IL1RAPL1: variants seen among roughly 807,000 people sequenced by gnomAD.
IL1RAPL1 encodes the protein interleukin 1 receptor accessory protein like 1.
A neutral mutation model predicts 48.4 loss-of-function variants in IL1RAPL1; 3 were observed. The ratio of observed to expected loss-of-function variants is 0.06; its 90% confidence interval spans 0.03 to 0.16. The LOEUF is 0.16. Ranked by LOEUF, IL1RAPL1 falls within the 10% of genes least tolerant of loss-of-function variation. The pLI, the probability that IL1RAPL1 is intolerant of heterozygous loss-of-function variation, is 1.00. For missense variants in IL1RAPL1, 349 were observed against 530.6 expected (o/e 0.66, Z 3.36); for synonymous variants, 185 against 187.7 (o/e 0.99, Z 0.12).
intron 2 of IL1RAPL1, among the ~76,000 whole-genome samples, chrX:29,208,123 G>A (rs764263901): frequency 1.8e-4 from 20 of 111,199 alleles, no homozygotes; most frequent in African/African-American, 6.5e-4. Context: ...GAGTAGATAC[G>A]GTATGAGCAG....
chrX:29,302,899 C>T (rs1436590900), intron 3 of IL1RAPL1, among the ~76,000 whole-genome samples: 1 of 111,868 alleles, frequency 8.9e-6, no homozygotes, highest in Non-Finnish European at 1.9e-5. Context: ...CATTATAAAG[C>T]TGTTTTATCC....
rs775970888 is a variant in IL1RAPL1, at chrX:29,839,523, G to A, written c.779-77941G>A. Among the ~76,000 whole-genome samples the A allele has an allele frequency of 2.7e-5, 3 of 112,505 alleles. No homozygotes were observed. The East Asian group carries it at 8.3e-4, about 31-fold the overall frequency. ...ATCTGCTGAAGCTATGCATTAACCT[G>A]GAGGATCAACTTCTGCACAGAAGTA... On this transcript the variant is annotated intron_variant, in intron 6 of 10. Coordinates refer to ENST00000378993, the MANE Select transcript of IL1RAPL1 (RefSeq NM_014271.4).
chrX:29,685,152 C>T (rs1483133607), intron 6 of IL1RAPL1, among the ~76,000 whole-genome samples: 4 of 112,182 alleles, frequency 3.6e-5, no homozygotes, highest in East Asian at 2.8e-4. Flanking sequence ...ATTTGACTTA[C>T]GATATTTTTA....
intron 1 of IL1RAPL1, among the ~76,000 whole-genome samples, chrX:28,761,891 G>C (rs1025799074): frequency 2.7e-5 from 3 of 111,614 alleles, no homozygotes; most frequent in Non-Finnish European, 5.6e-5. Flanking sequence ...GTCATACCTG[G>C]GTTTGAATCC....
chrX:29,260,561 C>G (rs1602140433), intron 2 of IL1RAPL1, among the ~76,000 whole-genome samples: 2 of 111,607 alleles, frequency 1.8e-5, no homozygotes, highest in African/African-American at 6.5e-5. Flanking sequence ...CTCCACCTGG[C>G]CCCGCCCTTG....
intron 1 of IL1RAPL1, among the ~76,000 whole-genome samples, chrX:28,636,751 C>T (rs1206513575): frequency 1.8e-5 from 2 of 111,630 alleles, no homozygotes; most frequent in African/African-American, 6.5e-5. Context: ...GGTCAAAATC[C>T]TTCCAACCTG....
intron 6 of IL1RAPL1, among the ~76,000 whole-genome samples, chrX:29,841,148 T>G (rs901209596): frequency 4.5e-5 from 5 of 111,777 alleles, no homozygotes; most frequent in African/African-American, 1.6e-4. Flanking sequence ...TTTGAACTAC[T>G]CAATTGAAGG....
rs1935083882 is a variant in IL1RAPL1, at chrX:29,485,186, GTATTTTACTTTATTATAATAAA to G, written c.703+85883_703+85904del. Among the ~76,000 whole-genome samples, 3 of 111,882 alleles carry G rather than the reference GTATTTTACTTTATTATAATAAA, an allele frequency of 2.7e-5. No homozygotes were observed. In the South Asian group the frequency reaches 1.1e-3, roughly 41 times the overall value. ...AAAATAACCAAAATGAGCTGCAGAA[GTATTTTACTTTATTATAATAAA>G]TATTACAGTATGCATCATGAAATGA... On this transcript the variant is annotated intron_variant, in intron 5 of 10. Transcript: ENST00000378993.
At chrX:28,652,642 A>G (rs1270951023) in intron 1 of IL1RAPL1, among the ~76,000 whole-genome samples, 2 of 111,859 alleles carry the variant, frequency 1.8e-5, no homozygotes, top group African/African-American at 6.5e-5. Flanking sequence ...GATCCAGCTG[A>G]TGAATCTCCA....
At position 29,278,539 on chromosome X, in the gene IL1RAPL1, A is replaced by G. The variant is rs764073262; in HGVS notation, c.83-4399A>G. On this transcript the variant is annotated intron_variant, in intron 2 of 10. Coordinates refer to ENST00000378993, the MANE Select transcript of IL1RAPL1 (RefSeq NM_014271.4). ...CTCCCATCAGGGAAGGAGAGTACCA[A>G]TAGCAAATTTTCTGAGAGAGACTTA... 2.7e-5 allele frequency among the ~76,000 whole-genome samples: 3 copies of G among 112,453 alleles called. No individual in the cohort carries two copies. In the South Asian group the frequency reaches 1.1e-3, roughly 42 times the overall value.
At chrX:28,790,293 G>T (rs752449697) in intron 2 of IL1RAPL1, among the ~76,000 whole-genome samples, 2 of 112,594 alleles carry the variant, frequency 1.8e-5, no homozygotes, top group East Asian at 5.6e-4. Flanking sequence ...ACAAGAGGTT[G>T]CAGTGTTGTG....
intron 5 of IL1RAPL1, among the ~76,000 whole-genome samples, chrX:29,662,666 T>C (rs1380781062): frequency 1.8e-5 from 2 of 112,451 alleles, no homozygotes; most frequent in Non-Finnish European, 1.9e-5. Flanking sequence ...GTATCAAAGC[T>C]AGCCAAATGA....
At chrX:29,474,954 G>A (rs1569319314) in intron 5 of IL1RAPL1, among the ~76,000 whole-genome samples, 1 of 111,795 alleles carries the variant, frequency 8.9e-6, no homozygotes, top group Non-Finnish European at 1.9e-5. Flanking sequence ...TATATGTAAA[G>A]AAATATTTCA....
intron 6 of IL1RAPL1, among the ~76,000 whole-genome samples, chrX:29,891,423 G>A (rs1256795393): frequency 9.0e-6 from 1 of 111,537 alleles, no homozygotes; most frequent in Non-Finnish European, 1.9e-5. Context: ...AGTCTTCACT[G>A]ACAGGCTTTT....
intron 2 of IL1RAPL1, among the ~76,000 whole-genome samples, chrX:29,166,382 A>C (rs1294322225): frequency 1.8e-5 from 2 of 112,163 alleles, no homozygotes; most frequent in Non-Finnish European, 3.8e-5. Context: ...CATTGACTTT[A>C]ATTCTACCTG....
At chrX:29,410,803 A>G (rs1043013890) in intron 5 of IL1RAPL1, among the ~76,000 whole-genome samples, 31 of 112,601 alleles carry the variant, frequency 2.8e-4, no homozygotes, top group African/African-American at 9.7e-4. Context: ...TCATAATTTT[A>G]TGAATATCAA....
At chrX:29,181,811 A>AGAT (rs776999657) in intron 2 of IL1RAPL1, among the ~76,000 whole-genome samples, 1 of 112,479 alleles carries the variant, frequency 8.9e-6, no homozygotes, top group East Asian at 2.8e-4. Flanking sequence ...ATAATAAAGC[A>AGAT]GATGCAACTG....
intron 2 of IL1RAPL1, among the ~76,000 whole-genome samples, chrX:28,945,513 T>C (rs1051438536): frequency 2.7e-5 from 3 of 110,227 alleles, no homozygotes; most frequent in African/African-American, 3.3e-5. Flanking sequence ...GAAAGCCAAA[T>C]AACACATGTT....
At chrX:28,598,860 T>G (rs1933987329) in intron 1 of IL1RAPL1, among the ~76,000 whole-genome samples, 1 of 108,525 alleles carries the variant, frequency 9.2e-6, no homozygotes, top group Admixed American at 9.6e-5. Context: ...ACTCCTGACT[T>G]CAGGAGATCC....
Sources: allele counts gnomAD v4.1 joint callset (sites outside exome capture counted in the v4.1 genomes callset), GRCh38; gene constraint gnomAD v4.1.1; transcripts MANE v1.5; gene names NCBI Gene and HGNC (gene_info 2026-07-23, HGNC 2026-07-21).